RYR2: variants seen among roughly 807,000 people sequenced by gnomAD.
RYR2 encodes the protein ryanodine receptor 2, also known as cardiac muscle ryanodine receptor-calcium release channel.
Under a neutral mutation model 601.1 loss-of-function variants are expected in RYR2, and 227 were observed. The ratio of observed to expected loss-of-function variants is 0.38; its 90% CI spans 0.34 to 0.42. The LOEUF is 0.42. Among genes scored for constraint, RYR2 ranks in the 10% least tolerant of loss-of-function variants. The pLI is 1.00. For missense variants in RYR2, 4,646 were observed against 6,156.5 expected (o/e 0.75, Z 8.21); for synonymous variants, 2,223 against 2,175.1 (o/e 1.02, Z -0.61).
chr1:237,723,815 A>AT (rs1043467097), intron 74 of RYR2, among the ~76,000 whole-genome samples: 35 of 152,070 alleles, frequency 2.3e-4, no homozygotes, highest in African/African-American at 8.2e-4. Flanking sequence ...GTTTTTATAT[A>AT]TTTTTTCAGT....
At chr1:237,082,558 A>ATATATATATATATATATATATATAT (rs1558200818) in intron 1 of RYR2, among the ~76,000 whole-genome samples, 1 of 24,174 alleles carries the variant, frequency 4.1e-5, no homozygotes, top group African/African-American at 6.4e-5. Context: ...TATATATATA[A>ATATATATATATATATATATATATAT]AATCGGATAT....
intron 1 of RYR2, among the ~76,000 whole-genome samples, chr1:237,142,740 G>A (rs1264936465): frequency 6.6e-6 from 1 of 152,180 alleles, no homozygotes; most frequent in Non-Finnish European, 1.5e-5. Flanking sequence ...CTAAGCCCTA[G>A]AGTGCAACAC....
At chr1:237,493,597 T>C (rs910635796) in intron 19 of RYR2, among the ~76,000 whole-genome samples, 6 of 151,978 alleles carry the variant, frequency 3.9e-5, no homozygotes, top group East Asian at 1.9e-4. Context: ...GGACTACAGG[T>C]GCCCGCCACC....
At chr1:237,138,477 TC>T (rs1291417761) in intron 1 of RYR2, among the ~76,000 whole-genome samples, 2 of 152,250 alleles carry the variant, frequency 1.3e-5, no homozygotes, top group Non-Finnish European at 2.9e-5. Flanking sequence ...TCTAGTTTTG[TC>T]ATTTAAAGTC....
intron 1 of RYR2, among the ~76,000 whole-genome samples, chr1:237,115,309 C>A (rs1440746547): frequency 6.6e-6 from 1 of 152,168 alleles, no homozygotes; most frequent in African/African-American, 2.4e-5. Context: ...AGAGACCATC[C>A]ATTGTACAAG....
intron 73 of RYR2, 134 bp downstream of exon 73, chr1:237,718,655 T>G (rs1689457952): frequency 1.6e-5 from 7 of 429,574 alleles, no homozygotes; most frequent in Admixed American, 4.2e-5. Flanking sequence ...TTATCCTACT[T>G]GCAAAGCCTT....
In RYR2 at chr1:237,602,085, T is replaced by C; in HGVS notation, c.4657T>C (p.Phe1553Leu). The change falls in exon 35 of 105, where the codon TTC (phenylalanine) becomes CTC (leucine). Residue 1553 changes from phenylalanine to leucine, a missense_variant. Physicochemically the swap from Phe to Leu is conservative, Grantham distance 22 (BLOSUM62 0). Around this residue, in one of 17 missense-constraint regions of RYR2, gnomAD observed 1,807 missense variants for 2,088.1 expected, o/e 0.87. Transcript: ENST00000366574. ...TGCACAAGCTACAAGTCCCAATGTT[T>C]TCCAGTTTGAGTTGGGAAGAATAAA... ...VFAQATSPNV[F>L]QFELGRIKNV... 6.2e-7 allele frequency: 1 copy of C among 1,613,010 alleles called. No individual in the cohort carries two copies. The highest frequency in any genetic ancestry group is 2.2e-5 in the East Asian group (1 of 44,766).
intron 84 of RYR2, among the ~76,000 whole-genome samples, chr1:237,769,618 TG>T (rs1450927958): frequency 6.6e-6 from 1 of 152,204 alleles, no homozygotes; most frequent in Non-Finnish European, 1.5e-5. Flanking sequence ...GACTGCGGAC[TG>T]GTAAGTCCAT....
intron 34 of RYR2, among the ~76,000 whole-genome samples, chr1:237,596,540 G>A (rs1157009892): frequency 6.6e-6 from 1 of 152,094 alleles, no homozygotes; most frequent in Non-Finnish European, 1.5e-5. Context: ...AAGGAAAAAA[G>A]CCTATAGAAC....
intron 34 of RYR2, among the ~76,000 whole-genome samples, chr1:237,599,505 A>C (rs746821714): frequency 6.6e-6 from 1 of 152,116 alleles, no homozygotes; most frequent in African/African-American, 2.4e-5. Flanking sequence ...TCAAGATACA[A>C]TCTCAGTTAC....
intron 60 of RYR2, 48 bp downstream of exon 60, chr1:237,674,894 A>C: frequency 9.5e-7 from 1 of 1,056,220 alleles, no homozygotes; most frequent in Non-Finnish European, 1.4e-6. Flanking sequence ...TGTTGTTTTT[A>C]ATGTTTACAA....
chr1:237,764,488 G>A (rs893768499), intron 84 of RYR2, among the ~76,000 whole-genome samples: 1 of 138,828 alleles, frequency 7.2e-6, no homozygotes, highest in African/African-American at 2.7e-5. Flanking sequence ...TCGCTCTGTC[G>A]CCCAGGCTGG....
intron 1 of RYR2, among the ~76,000 whole-genome samples, chr1:237,184,834 T>C (rs1209872914): frequency 6.6e-6 from 1 of 152,066 alleles, no homozygotes; most frequent in Non-Finnish European, 1.5e-5. Context: ...GTCAGTTTTG[T>C]CTTTAGTTGA....
At chr1:237,427,966 A>G (rs1438603520) in intron 12 of RYR2, among the ~76,000 whole-genome samples, 1 of 152,160 alleles carries the variant, frequency 6.6e-6, no homozygotes, top group African/African-American at 2.4e-5. Context: ...ACTTTTCAAA[A>G]GAAGATATTT....
At chr1:237,788,268 G>A in intron 92 of RYR2, 133 bp downstream of exon 92, 1 of 649,888 alleles carries the variant, frequency 1.5e-6, no homozygotes, top group Non-Finnish European at 2.6e-6. Flanking sequence ...TGTTTGATTT[G>A]CTCATTGTAG....
chr1:237,133,419 G>T (rs1306885885), intron 1 of RYR2, among the ~76,000 whole-genome samples: 1 of 152,152 alleles, frequency 6.6e-6, no homozygotes, highest in Admixed American at 6.5e-5. Flanking sequence ...GATATGTTTA[G>T]TCTCTGGTGA....
At position 237,306,393 on chromosome 1, in the gene RYR2, T is replaced by C. The variant is rs1052578888; in HGVS notation, c.169-24485T>C. On this transcript the variant is annotated intron_variant, in intron 2 of 104. Transcript: ENST00000366574. The stretch of plus-strand genomic sequence containing the variant: ...AATGACAGATAGTAATCTGGCACTA[T>C]TTTAAAATACTCGTGTATGCAGTCT... Among the ~76,000 whole-genome samples, 4 of 152,326 alleles carry C rather than the reference T, an allele frequency of 2.6e-5. No individual in the cohort carries two copies. In the South Asian group the frequency reaches 8.3e-4, roughly 32 times the overall value.
chr1:237,590,559 G>T, intron 30 of RYR2, 81 bp from the exon 31 acceptor site: 1 of 1,178,740 alleles, frequency 8.5e-7, no homozygotes, highest in East Asian at 2.4e-5. Flanking sequence ...TTCTGAAAAC[G>T]TGATGTGCCT....
chr1:237,507,681 C>G (rs188777919), intron 23 of RYR2, among the ~76,000 whole-genome samples: 139 of 152,324 alleles, frequency 9.1e-4, no homozygotes, highest in Non-Finnish European at 1.7e-3. Context: ...ATTGTCATTA[C>G]AGTGAACTGG....
Sources: gnomAD v4.1 joint callset for allele counts (sites outside exome capture counted in the v4.1 genomes callset) on GRCh38, gnomAD v4.1.1 for gene constraint, gnomAD v4.1.1 regional missense constraint, MANE v1.5 for transcripts, NCBI Gene and HGNC (gene_info 2026-07-23, HGNC 2026-07-21) for gene names.